The following PLPPR5 variants were observed in gnomAD, a reference collection of about 807,000 sequenced individuals.
PLPPR5 encodes phospholipid phosphatase-related protein type 5.
A neutral mutation model predicts 33.9 loss-of-function variants in PLPPR5; 16 were observed. The ratio of observed to expected loss-of-function variants is 0.47; its 90% confidence interval spans 0.32 to 0.72. The LOEUF is 0.72. Among genes scored for constraint, PLPPR5 ranks in the 30% least tolerant of loss-of-function variants. PLPPR5 has a pLI of 0.03. For missense variants in PLPPR5, 301 were observed against 406.7 expected (o/e 0.74, Z 2.23); for synonymous variants, 163 against 150.3 (o/e 1.08, Z -0.62).
At chr1:98,921,279 A>G (rs1223746178) in intron 4 of PLPPR5, among the ~76,000 whole-genome samples, 3 of 152,188 alleles carry the variant, frequency 2.0e-5, no homozygotes, top group Non-Finnish European at 4.4e-5. Context: ...GCGGTGAAAT[A>G]TGATTTGACA....
chr1:98,951,442 C>T (rs1008497217), intron 3 of PLPPR5, among the ~76,000 whole-genome samples: 1 of 152,078 alleles, frequency 6.6e-6, no homozygotes, highest in African/African-American at 2.4e-5. Context: ...AGAGTTGTAA[C>T]AGACAAACTT....
chr1:98,987,805 A>T (rs1570758135), intron 1 of PLPPR5, among the ~76,000 whole-genome samples: 2 of 151,960 alleles, frequency 1.3e-5, no homozygotes, highest in East Asian at 3.9e-4. Context: ...TATGCATTTT[A>T]CACTTTTTTT....
At chr1:98,981,139 G>A (rs1652048707) in intron 1 of PLPPR5, among the ~76,000 whole-genome samples, 1 of 151,894 alleles carries the variant, frequency 6.6e-6, no homozygotes, top group African/African-American at 2.4e-5. Flanking sequence ...AACTAAAATT[G>A]GTCACAGAAA....
rs768912067 is a variant in PLPPR5, at chr1:98,956,629, C to T, written c.350G>A (p.Arg117His). ...GDCCYINPLV[R>H]RTVRFLGIYT... Reference sequence around the variant, plus strand: ...CATACCAAGAAATCGGACAGTTCGGCGCACCAGCGGGTTTATATAGCAACA... The same window carrying T: ...CATACCAAGAAATCGGACAGTTCGGTGCACCAGCGGGTTTATATAGCAACA... The change falls in exon 2 of 6, where the codon CGC becomes CAC. Residue 117 changes from arginine (R) to histidine (H), a missense_variant. By Grantham distance (29) the Arg-to-His change is conservative. Transcript: ENST00000263177. The T allele has an allele frequency of 1.9e-5, 30 of 1,587,144 alleles. No individual in the cohort carries two copies. Among genetic ancestry groups the T allele is most frequent in the Admixed American group, 1.1e-4 (6 of 53,442 alleles).
intron 1 of PLPPR5, among the ~76,000 whole-genome samples, chr1:98,996,628 C>T (rs1557697644): frequency 6.6e-6 from 1 of 152,102 alleles, no homozygotes; most frequent in African/African-American, 2.4e-5. Flanking sequence ...GTGCTGCTAA[C>T]TATAGGTTAA....
At chr1:98,977,383 A>G (rs781555489) in intron 1 of PLPPR5, among the ~76,000 whole-genome samples, 44 of 151,806 alleles carry the variant, frequency 2.9e-4, no homozygotes, top group Non-Finnish European at 5.9e-4. Context: ...CAAACAGATC[A>G]CAATGGAGTC....
At chr1:99,005,305 C>T (rs1349030120), upstream of PLPPR5, among the ~76,000 whole-genome samples, 1 of 152,152 alleles carries the variant, frequency 6.6e-6, no homozygotes, top group Non-Finnish European at 1.5e-5. Context: ...CCCACCAAGG[C>T]GCAAAGTGCC....
At chr1:98,923,740 G>T (rs555685406) in intron 3 of PLPPR5, among the ~76,000 whole-genome samples, 1 of 152,142 alleles carries the variant, frequency 6.6e-6, no homozygotes, top group Non-Finnish European at 1.5e-5. Flanking sequence ...ACTGTGCTTG[G>T]AAAAGCTTGA....
chr1:98,965,640 A>G (rs1266132794), intron 1 of PLPPR5, among the ~76,000 whole-genome samples: 1 of 152,226 alleles, frequency 6.6e-6, no homozygotes, highest in African/African-American at 2.4e-5. Flanking sequence ...TGCATAGTCC[A>G]ACTTTGTGAT....
rs114005940 is a variant in PLPPR5, at chr1:98,988,129, T to C, written c.237+16306A>G. Among the ~76,000 whole-genome samples, 5 of 152,202 alleles carry C rather than the reference T, an allele frequency of 3.3e-5. No homozygotes were observed. The South Asian group carries it at 1.0e-3, about 32-fold the overall frequency. ...GTGGTATCTGAGAAAAGACCTAGAA[T>C]GAATCTGTATGTACTGCAGGTCAAG... On this transcript the variant is annotated intron_variant, in intron 1 of 5. Transcript: ENST00000263177.
intron 3 of PLPPR5, among the ~76,000 whole-genome samples, chr1:98,946,839 T>C (rs1371959133): frequency 2.0e-5 from 3 of 152,198 alleles, no homozygotes; most frequent in Non-Finnish European, 2.9e-5. Flanking sequence ...AACTTTTTTT[T>C]AGAAGCGGAA....
At chr1:98,982,997 T>C (rs1570754209) in intron 1 of PLPPR5, among the ~76,000 whole-genome samples, 1 of 152,074 alleles carries the variant, frequency 6.6e-6, no homozygotes, top group Non-Finnish European at 1.5e-5. Context: ...GGGTTTGGGG[T>C]GGCTGAGGAG....
intron 5 of PLPPR5, among the ~76,000 whole-genome samples, chr1:98,895,166 G>A (rs1283482910): frequency 1.3e-5 from 2 of 151,988 alleles, no homozygotes; most frequent in Admixed American, 1.3e-4. Context: ...AATGGGAGGT[G>A]ATTAGACCAC....
intron 3 of PLPPR5, among the ~76,000 whole-genome samples, chr1:98,931,791 C>A (rs1236438004): frequency 6.6e-6 from 1 of 151,872 alleles, no homozygotes. Flanking sequence ...GTGAAGGATT[C>A]GTATTAAAAG....
intron 1 of PLPPR5, among the ~76,000 whole-genome samples, chr1:98,959,601 C>A (rs1651152412): frequency 6.6e-6 from 1 of 152,140 alleles, no homozygotes; most frequent in African/African-American, 2.4e-5. Flanking sequence ...ATCTCAGTTT[C>A]TCTTTGTATG....
chr1:98,935,117 T>C (rs1234885109), intron 3 of PLPPR5, among the ~76,000 whole-genome samples: 6 of 152,110 alleles, frequency 3.9e-5, no homozygotes, highest in Non-Finnish European at 8.8e-5. Flanking sequence ...TAGGGTCCAG[T>C]GCAAAATGAA....
At chr1:98,931,817 T>A (rs530992891) in intron 3 of PLPPR5, among the ~76,000 whole-genome samples, 2 of 152,130 alleles carry the variant, frequency 1.3e-5, no homozygotes, top group African/African-American at 4.8e-5. Context: ...TGGGAGGCCA[T>A]AAAGGGGATA....
At chr1:98,945,010 T>C (rs967055649) in intron 3 of PLPPR5, among the ~76,000 whole-genome samples, 4 of 152,360 alleles carry the variant, frequency 2.6e-5, no homozygotes, top group Admixed American at 6.5e-5. Context: ...TAAGTTGTTG[T>C]TGTTTTTCTG....
chr1:98,971,314 A>G (rs1356475465), intron 1 of PLPPR5, among the ~76,000 whole-genome samples: 1 of 152,054 alleles, frequency 6.6e-6, no homozygotes, highest in Admixed American at 6.6e-5. Context: ...AGCAATAATG[A>G]TTATATATTT....
Sources: gnomAD v4.1 joint callset for allele counts (sites outside exome capture counted in the v4.1 genomes callset) on GRCh38, gnomAD v4.1.1 for gene constraint, MANE v1.5 for transcripts, NCBI Gene and HGNC (gene_info 2026-07-23, HGNC 2026-07-21) for gene names.